Variants in COL25A1 observed in about 807,000 individuals in gnomAD.
COL25A1 encodes the protein collagen type XXV alpha 1 chain.
Under a neutral mutation model 128.4 loss-of-function variants are expected in COL25A1, and 103 were observed. The ratio of observed to expected loss-of-function variants is 0.80; its 90% CI spans 0.68 to 0.94. COL25A1 has a LOEUF of 0.94. COL25A1 is among the 40% of genes least tolerant of loss of function. The pLI, the probability that COL25A1 is intolerant of heterozygous loss-of-function variation, is 0.00. For synonymous variants in COL25A1, 279 were observed against 277.2 expected (o/e 1.01, Z -0.06); for missense variants, 745 against 840.0 (o/e 0.89, Z 1.40).
intron 3 of COL25A1, among the ~76,000 whole-genome samples, chr4:109,085,154 T>C (rs1764238264): frequency 6.6e-6 from 1 of 152,106 alleles, no homozygotes; most frequent in Non-Finnish European, 1.5e-5. Flanking sequence ...CTATCTACTC[T>C]CTCATCCATT....
intron 3 of COL25A1, among the ~76,000 whole-genome samples, chr4:109,086,172 C>A (rs577560022): frequency 1.3e-5 from 2 of 152,188 alleles, no homozygotes; most frequent in Non-Finnish European, 2.9e-5. Flanking sequence ...TGAGTGTCAC[C>A]TATCAGAGTC....
chr4:109,070,565 C>T (rs1264693775), intron 3 of COL25A1, among the ~76,000 whole-genome samples: 2 of 151,940 alleles, frequency 1.3e-5, no homozygotes, highest in African/African-American at 4.8e-5. Flanking sequence ...ACTTTAAGTT[C>T]TAGGGTACAT....
intron 3 of COL25A1, among the ~76,000 whole-genome samples, chr4:109,126,441 T>C (rs1401712022): frequency 1.3e-5 from 2 of 152,072 alleles, no homozygotes; most frequent in African/African-American, 4.8e-5. Context: ...CTTGGGAAAA[T>C]TTCATTACCA....
intron 9 of COL25A1, among the ~76,000 whole-genome samples, chr4:108,941,077 T>C (rs1479505017): frequency 6.6e-6 from 1 of 152,252 alleles, no homozygotes; most frequent in Non-Finnish European, 1.5e-5. Flanking sequence ...TAATAATTTA[T>C]AAATTACCAA....
chr4:109,034,445 C>A (rs1282647350), intron 5 of COL25A1, among the ~76,000 whole-genome samples: 1 of 152,082 alleles, frequency 6.6e-6, no homozygotes, highest in Non-Finnish European at 1.5e-5. Context: ...AATTTAGATA[C>A]AACAGCATAC....
intron 3 of COL25A1, among the ~76,000 whole-genome samples, chr4:109,299,931 C>T (rs893724289): frequency 6.6e-6 from 1 of 152,024 alleles, no homozygotes; most frequent in Non-Finnish European, 1.5e-5. Flanking sequence ...TACTAATATG[C>T]TGCCTTTAAT....
At chr4:108,817,138 A>G (rs1296554965) in intron 37 of COL25A1, among the ~76,000 whole-genome samples, 1 of 152,202 alleles carries the variant, frequency 6.6e-6, no homozygotes, top group Admixed American at 6.6e-5. Context: ...CAAGCAAAAC[A>G]TTATCAGGAT....
At chr4:109,001,429 C>CCTGTCAGG (rs1755412158) in intron 6 of COL25A1, among the ~76,000 whole-genome samples, 8 of 20,404 alleles carry the variant, frequency 3.9e-4, no homozygotes, top group Non-Finnish European at 8.5e-4. Context: ...AGGCAGTGAG[C>CCTGTCAGG]TAGAGGGTTT....
At chr4:108,838,076 A>T in intron 31 of COL25A1, 1 of 1,513,020 alleles carries the variant, frequency 6.6e-7, no homozygotes, top group East Asian at 2.5e-5. Context: ...TTGCACTAAA[A>T]TGGAAAGTTT....
At chr4:108,822,043 A>ATGTTTTTTTTTTTTTTTTTTTTTTT (rs1731824887) in intron 35 of COL25A1, among the ~76,000 whole-genome samples, 1 of 89,964 alleles carries the variant, frequency 1.1e-5, no homozygotes, top group Non-Finnish European at 2.1e-5. Context: ...CCTAATGGTA[A>ATGTTTTTTTTTTTTTTTTTTTTTTT]TTTTTTTTTT....
intron 3 of COL25A1, among the ~76,000 whole-genome samples, chr4:109,076,461 A>G (rs1763384704): frequency 6.6e-6 from 1 of 152,106 alleles, no homozygotes; most frequent in African/African-American, 2.4e-5. Flanking sequence ...CTGATTCCTG[A>G]GACAACAATG....
chr4:109,277,801 C>A (rs568191854), intron 3 of COL25A1, among the ~76,000 whole-genome samples: 2 of 152,276 alleles, frequency 1.3e-5, no homozygotes, highest in East Asian at 3.9e-4. Context: ...CCATGACTTG[C>A]ATGTAAATAT....
At chr4:108,934,816 A>G (rs1342939144) in intron 11 of COL25A1, among the ~76,000 whole-genome samples, 2 of 152,230 alleles carry the variant, frequency 1.3e-5, no homozygotes, top group East Asian at 1.9e-4. Context: ...TGATTTATAC[A>G]AAACTTTACA....
chr4:109,187,143 CCTT>C lies in COL25A1; in HGVS notation c.367+113437_367+113439del, dbSNP rs567823949. On this transcript the variant is annotated intron_variant, in intron 3 of 37. Coordinates refer to ENST00000399132, the MANE Select transcript of COL25A1 (RefSeq NM_198721.4). ...CAGAAATTATTGTCATGCGATTATA[CCTT>C]TTTTTAATAGTGACACAGAGTCGTG... 1.1e-3 allele frequency among the ~76,000 whole-genome samples: 156 copies of C among 143,350 alleles called. 2 individuals carry two copies. In the South Asian group the frequency reaches 0.029, roughly 26 times the overall value. The allele number at this position is 143,350 out of a possible 152,430, so 94.0% of individuals were successfully genotyped here.
At chr4:109,258,641 C>T (rs2126252826) in intron 3 of COL25A1, among the ~76,000 whole-genome samples, 1 of 152,176 alleles carries the variant, frequency 6.6e-6, no homozygotes, top group African/African-American at 2.4e-5. Context: ...CTGTATAACA[C>T]CTCAACATAA....
intron 3 of COL25A1, among the ~76,000 whole-genome samples, chr4:109,051,975 C>T (rs1761043444): frequency 1.3e-5 from 2 of 152,072 alleles, no homozygotes; most frequent in African/African-American, 4.8e-5. Flanking sequence ...ATGGAAAGTA[C>T]TTTGACTGAC....
At chr4:109,109,248 C>T (rs11937791) in intron 3 of COL25A1, among the ~76,000 whole-genome samples, 3,777 of 152,224 alleles carry the variant, frequency 0.025, 165 homozygotes, top group African/African-American at 0.085. Flanking sequence ...ACCATCACAC[C>T]TGGCTGTGTC....
chr4:109,112,685 A>C (rs1396250338), intron 3 of COL25A1, among the ~76,000 whole-genome samples: 1 of 152,126 alleles, frequency 6.6e-6, no homozygotes, highest in African/African-American at 2.4e-5. Flanking sequence ...GTCCCAAAGA[A>C]AGTAAATTTT....
At chr4:109,015,150 G>C (rs902729782) in intron 5 of COL25A1, among the ~76,000 whole-genome samples, 4 of 152,218 alleles carry the variant, frequency 2.6e-5, no homozygotes, top group Non-Finnish European at 2.9e-5. Context: ...TAGAGACTGA[G>C]AGCGTGTGGT....
Sources: gnomAD v4.1 joint callset for allele counts (sites outside exome capture counted in the v4.1 genomes callset) on GRCh38, gnomAD v4.1.1 for gene constraint, MANE v1.5 for transcripts, NCBI Gene and HGNC (gene_info 2026-07-23, HGNC 2026-07-21) for gene names.